The following MEF2A variants were observed in gnomAD, a reference collection of about 807,000 sequenced individuals.
The protein encoded by MEF2A is myocyte-specific enhancer factor 2A.
A neutral mutation model predicts 55.8 loss-of-function variants in MEF2A; 28 were observed. That is an observed-to-expected ratio of 0.50 (90% CI 0.37 to 0.69). The LOEUF (loss-of-function observed/expected upper bound fraction) is 0.69, where lower values mean the gene tolerates loss of function less well. Ranked by LOEUF, MEF2A falls within the 30% of genes least tolerant of loss-of-function variation. The pLI is 0.00. For missense variants in MEF2A, 528 were observed against 626.2 expected, an observed-to-expected ratio of 0.84 and a Z score of 1.67; for synonymous variants, 239 against 227.1, an observed-to-expected ratio of 1.05 and a Z score of -0.47.
intron 2 of MEF2A, among the ~76,000 whole-genome samples, chr15:99,607,371 T>C (rs1251894167): frequency 1.3e-5 from 2 of 152,214 alleles, no homozygotes; most frequent in Non-Finnish European, 2.9e-5. Flanking sequence ...TATTTTTACA[T>C]CTCTGATATA....
intron 3 of MEF2A, among the ~76,000 whole-genome samples, chr15:99,640,831 A>T (rs2044764513): frequency 6.6e-6 from 1 of 151,740 alleles, no homozygotes; most frequent in South Asian, 2.1e-4. Context: ...TTATAGTGTG[A>T]GCCACGGCGC....
At chr15:99,698,514 T>C (rs12592092) in intron 8 of MEF2A, among the ~76,000 whole-genome samples, 36,853 of 151,870 alleles carry the variant, frequency 0.24, 4,659 homozygotes, top group African/African-American at 0.3. Context: ...ACGCAACGGC[T>C]GGGCGCGGTG....
At chr15:99,674,309 T>C in intron 5 of MEF2A, 84 bp from the exon 6 acceptor site, 1 of 1,255,540 alleles carries the variant, frequency 8.0e-7, no homozygotes, top group Non-Finnish European at 1.1e-6. Context: ...TAACTTGAGT[T>C]ACCTTGCCAA....
rs113950414 is a variant in MEF2A, at chr15:99,705,262, G to C, written c.883-1467G>C. 1.0e-2 allele frequency among the ~76,000 whole-genome samples: 1,521 copies of C among 152,300 alleles called. 25 individuals are homozygous for C. Among genetic ancestry groups the C allele is most frequent in the African/African-American group, 0.035 (1,440 of 41,548 alleles). On this transcript the variant is annotated intron_variant, in intron 9 of 11. Coordinates refer to ENST00000557942, the MANE Select transcript of MEF2A (RefSeq NM_001319206.4). ...CTTCATGAAAGCTGCAGTAGACTAGGCTATGGATTAGAAGGAATAAAAATA... is the reference window on the plus strand; with the variant it reads ...CTTCATGAAAGCTGCAGTAGACTAGCCTATGGATTAGAAGGAATAAAAATA...
intron 2 of MEF2A, among the ~76,000 whole-genome samples, chr15:99,617,513 G>A (rs1294617906): frequency 6.6e-6 from 1 of 152,060 alleles, no homozygotes; most frequent in Non-Finnish European, 1.5e-5. Context: ...TAATCTCCTT[G>A]TCCTTTTGGG....
At chr15:99,671,290 T>G in intron 4 of MEF2A, 33 bp from the exon 5 acceptor site, 1 of 1,588,316 alleles carries the variant, frequency 6.3e-7, no homozygotes, top group Non-Finnish European at 8.6e-7. Flanking sequence ...AAGTTAGCAT[T>G]ATTTGTGTGT....
intron 4 of MEF2A, among the ~76,000 whole-genome samples, chr15:99,660,900 TCAA>T (rs1204257529): frequency 1.3e-5 from 2 of 152,132 alleles, no homozygotes; most frequent in East Asian, 3.8e-4. Context: ...TGAAAGAACT[TCAA>T]CAACTGATTC....
At chr15:99,633,427 C>G (rs1381682735) in intron 3 of MEF2A, among the ~76,000 whole-genome samples, 3 of 152,066 alleles carry the variant, frequency 2.0e-5, no homozygotes, top group African/African-American at 7.2e-5. Context: ...CCCACCATTA[C>G]CAATCCATTG....
rs1413777003 is a variant in MEF2A at position 99,574,978 on chromosome 15, A to T, written c.-225+8874A>T. 2.0e-5 allele frequency among the ~76,000 whole-genome samples: 3 copies of T among 152,310 alleles called. No homozygotes were observed. The East Asian group carries it at 5.8e-4, about 29-fold the overall frequency. ...CCTGACATGTTATTATCATTAACATATCAGGCATTGTTATATAATATCAAG... is the reference window on the plus strand; with the variant it reads ...CCTGACATGTTATTATCATTAACATTTCAGGCATTGTTATATAATATCAAG... On this transcript the variant is annotated intron_variant, in intron 1 of 11. Transcript: ENST00000557942.
chr15:99,662,039 A>G (rs917626978), intron 4 of MEF2A, among the ~76,000 whole-genome samples: 9 of 152,228 alleles, frequency 5.9e-5, no homozygotes, highest in South Asian at 2.1e-4. Context: ...TTCCATTTAC[A>G]TATCATTCAC....
At chr15:99,602,706 GGGGAGCTTTT>G (rs1567203816) in intron 2 of MEF2A, among the ~76,000 whole-genome samples, 50 of 84,470 alleles carry the variant, frequency 5.9e-4, no homozygotes, top group South Asian at 1.0e-3. Flanking sequence ...GTGTAGGGGT[GGGGAGCTTTT>G]TGTGTGTGTG....
intron 7 of MEF2A, chr15:99,678,590 T>G: frequency 3.3e-6 from 3 of 900,130 alleles, no homozygotes; most frequent in Non-Finnish European, 4.0e-6. Context: ...TTTGCCTTGT[T>G]CGTATTTTAA....
Position 99,715,119 on chromosome 15 carries a change from G to A in MEF2A, c.*2348G>A, listed in dbSNP as rs1454183202. 1 of 152,074 alleles carries A rather than the reference G, an allele frequency of 6.6e-6. No individual in the cohort carries two copies. The highest frequency in any genetic ancestry group is 1.5e-5 in the Non-Finnish European group (1 of 68,016). The allele number at this position is 152,074 out of a possible 1,614,324, so 9.4% of individuals were successfully genotyped here. ...TACTTACAGGCACATTTCTTCATAA[G>A]GCCACACCTAATCCAAACAAGACAG... On this transcript the variant is annotated 3_prime_UTR_variant, in exon 12 of 12. Coordinates refer to ENST00000557942, the MANE Select transcript of MEF2A (RefSeq NM_001319206.4).
In MEF2A at chr15:99,674,445, G is replaced by T. The variant is rs1380907499; in HGVS notation, c.443G>T (p.Ser148Ile). ...FSMSVTVPVT[S>I]PNALSYTNPG... is the part of the protein sequence containing the mutation. ...ATGTCTGTCACAGTTCCAGTGACCA[G>T]CCCCAATGCTTTGTCCTACACTAAC... The change falls in exon 6 of 12, where the codon AGC becomes ATC. Residue 148 changes from serine (S) to isoleucine (I), a missense_variant. By Grantham distance (142) the Ser-to-Ile change is moderately radical. Around this residue, in one of 2 missense-constraint regions of MEF2A, gnomAD observed 450 missense variants for 475.3 expected, o/e 0.95. Coordinates refer to ENST00000557942, the MANE Select transcript of MEF2A (RefSeq NM_001319206.4). 6.2e-7 allele frequency: 1 copy of T among 1,613,848 alleles called. No homozygotes were observed. Among genetic ancestry groups the T allele is most frequent in the East Asian group, 2.2e-5 (1 of 44,880 alleles).
chr15:99,615,521 A>G (rs1007737600), intron 2 of MEF2A, among the ~76,000 whole-genome samples: 3 of 152,170 alleles, frequency 2.0e-5, no homozygotes, highest in African/African-American at 7.2e-5. Context: ...GTTATCTCTT[A>G]ATCTTTACAA....
chr15:99,567,201 A>G (rs781162748), intron 1 of MEF2A, among the ~76,000 whole-genome samples: 5 of 152,234 alleles, frequency 3.3e-5, no homozygotes, highest in Non-Finnish European at 7.3e-5. Flanking sequence ...TTTAGTTTAC[A>G]GTGAGATTGG....
chr15:99,649,166 C>T (rs938061618), intron 4 of MEF2A, among the ~76,000 whole-genome samples: 1 of 151,812 alleles, frequency 6.6e-6, no homozygotes, highest in Non-Finnish European at 1.5e-5. Context: ...TTTGTACTTA[C>T]ATATTTTAAA....
At position 99,715,190 on chromosome 15, in the gene MEF2A, C is replaced by G. The variant is rs2059037240; in HGVS notation, c.*2419C>G. On this transcript the variant is annotated 3_prime_UTR_variant, in exon 12 of 12. Coordinates refer to ENST00000557942, the MANE Select transcript of MEF2A (RefSeq NM_001319206.4). ...AAAATAATCCTTACCACTTTGTAAACCATTTATAGCTTTGAAAGTGTTAAG... is the reference window on the plus strand; with the variant it reads ...AAAATAATCCTTACCACTTTGTAAAGCATTTATAGCTTTGAAAGTGTTAAG... 6.6e-6 allele frequency: 1 copy of G among 152,176 alleles called. No individual in the cohort carries two copies. Among genetic ancestry groups the G allele is most frequent in the Non-Finnish European group, 1.5e-5 (1 of 68,038 alleles). The allele number at this position is 152,176 out of a possible 1,614,324, so 9.4% of individuals were successfully genotyped here.
chr15:99,600,474 G>T lies in MEF2A; in HGVS notation c.-143+1963G>T, dbSNP rs1471673562. On this transcript the variant is annotated intron_variant, in intron 2 of 11. Transcript: ENST00000557942. ...AATTCTGCTGCAGTAGAAATTGAAGGTTTGTCATAGGGATTAGACAGAATT... is the reference window on the plus strand; with the variant it reads ...AATTCTGCTGCAGTAGAAATTGAAGTTTTGTCATAGGGATTAGACAGAATT... Among the ~76,000 whole-genome samples, 8 of 152,262 alleles carry T rather than the reference G, an allele frequency of 5.3e-5. No homozygotes were observed. The South Asian group carries it at 1.7e-3, about 32-fold the overall frequency.
Sources: gnomAD v4.1 joint callset for allele counts (sites outside exome capture counted in the v4.1 genomes callset) on GRCh38, gnomAD v4.1.1 for gene constraint, gnomAD v4.1.1 regional missense constraint, MANE v1.5 for transcripts, NCBI Gene and HGNC (gene_info 2026-07-23, HGNC 2026-07-21) for gene names.